TRPM1: variants seen among roughly 807,000 people sequenced by gnomAD.
TRPM1 encodes transient receptor potential cation channel subfamily M member 1.
In TRPM1, 113 loss-of-function variants were observed where a neutral mutation model predicts 149.4. That is an observed-to-expected ratio of 0.76 (90% CI 0.65 to 0.88). The LOEUF is 0.88. TRPM1 is among the 40% of genes least tolerant of loss of function. The pLI is 0.00. For missense variants in TRPM1, 1,976 were observed against 2,038.7 expected (o/e 0.97, Z 0.59); for synonymous variants, 741 against 759.5 (o/e 0.98, Z 0.40).
In TRPM1 at chr15:31,128,911, C is replaced by G. The variant is rs1037545857; in HGVS notation, c.54+31995G>C. Among the ~76,000 whole-genome samples the G allele has an allele frequency of 5.9e-5, 9 of 152,256 alleles. No homozygotes were observed. In the East Asian group the frequency reaches 1.7e-3, roughly 29 times the overall value. ...TGTAGCTAATTCAGATGAAAGCCCC[C>G]CCGCTCCGGCTTCCAGTCAGAGGTG... On this transcript the variant is annotated intron_variant, in intron 1 of 26. Transcript: ENST00000542188.
chr15:31,148,532 T>G (rs760674864), intron 1 of TRPM1, among the ~76,000 whole-genome samples: 35 of 152,206 alleles, frequency 2.3e-4, no homozygotes, highest in Non-Finnish European at 4.1e-4. Flanking sequence ...AAGGCCTCCC[T>G]CAGTGGAGGA....
At chr15:31,104,579 G>A (rs1276028820), upstream of TRPM1, among the ~76,000 whole-genome samples, 1 of 145,326 alleles carries the variant, frequency 6.9e-6, no homozygotes, top group African/African-American at 2.5e-5. Context: ...GCAAAATGGT[G>A]ATCTTCCTTT....
chr15:31,003,286 C>A (rs1180670628), intron 27 of TRPM1, among the ~76,000 whole-genome samples: 1 of 152,212 alleles, frequency 6.6e-6, no homozygotes. Context: ...GCATATAGTA[C>A]TTACTGCTCA....
chr15:31,047,943 A>G lies in TRPM1; in HGVS notation c.1573-4T>C. The G allele has an allele frequency of 6.2e-7, 1 of 1,613,528 alleles. No individual in the cohort carries two copies. The highest frequency in any genetic ancestry group is 1.1e-5 in the South Asian group (1 of 91,082). Reference sequence around the variant, plus strand: ...GTGTGTTTGGTGGACCCAGTCTCTGAAAGAGAAGCATTCATGTGTGTTAAA... The same window carrying G: ...GTGTGTTTGGTGGACCCAGTCTCTGGAAGAGAAGCATTCATGTGTGTTAAA... On this transcript the variant is annotated splice_region_variant and splice_polypyrimidine_tract_variant and intron_variant, in intron 13 of 27. Transcript: ENST00000256552.
chr15:31,066,332 G>T, intron 6 of TRPM1, 85 bp from the exon 7 acceptor site: 1 of 1,456,514 alleles, frequency 6.9e-7, no homozygotes, highest in Non-Finnish European at 9.6e-7. Context: ...CATATGTGTG[G>T]AGTGACTGCA....
At chr15:31,150,807 C>T (rs2036291491) in intron 1 of TRPM1, among the ~76,000 whole-genome samples, 1 of 152,122 alleles carries the variant, frequency 6.6e-6, no homozygotes. Flanking sequence ...TTGCCTAAGA[C>T]ATGCCCACAG....
upstream of TRPM1, among the ~76,000 whole-genome samples, chr15:31,105,435 CTGTGTG>C (rs10525947): frequency 0.19 from 28,486 of 148,610 alleles, 2,968 homozygotes; most frequent in Non-Finnish European, 0.23. Flanking sequence ...CTGTGTGTCT[CTGTGTG>C]TGTGTGTGTG....
intron 2 of TRPM1, 118 bp from the exon 3 acceptor site, chr15:31,077,102 A>ACC: frequency 1.4e-6 from 1 of 716,600 alleles, no homozygotes; most frequent in Non-Finnish European, 2.5e-6. Flanking sequence ...AGTCATCTGC[A>ACC]ATAATGGTGG....
chr15:31,148,403 C>T (rs1253931786), intron 1 of TRPM1, among the ~76,000 whole-genome samples: 2 of 152,166 alleles, frequency 1.3e-5, no homozygotes, highest in South Asian at 2.1e-4. Flanking sequence ...CGCAGCTGCA[C>T]CCTGCGTTGT....
At chr15:31,117,781 A>G (rs1338030177) in intron 1 of TRPM1, among the ~76,000 whole-genome samples, 1 of 152,194 alleles carries the variant, frequency 6.6e-6, no homozygotes, top group Non-Finnish European at 1.5e-5. Flanking sequence ...GACATAATCA[A>G]AAGGAAAAAC....
At chr15:31,088,752 T>G (rs991506355) in intron 1 of TRPM1, among the ~76,000 whole-genome samples, 3 of 149,800 alleles carry the variant, frequency 2.0e-5, no homozygotes, top group Middle Eastern at 3.2e-3. Flanking sequence ...TCCTGCTACC[T>G]GTGGGAACGT....
intron 11 of TRPM1, among the ~76,000 whole-genome samples, chr15:31,052,154 G>A (rs2033963504): frequency 6.6e-6 from 1 of 152,190 alleles, no homozygotes; most frequent in African/African-American, 2.4e-5. Context: ...ACTCCAGAGT[G>A]ACCTTTAAAT....
Position 31,097,021 on chromosome 15 carries a change from G to A in TRPM1, c.-84+4636C>T, listed in dbSNP as rs948606733. ...CTGCCAGCACGGGAATCAGACTGCC[G>A]GGCCCCTTTGTTGCTCTGCTCTTTT... is the stretch of plus-strand genomic sequence containing the variant. On this transcript the variant is annotated intron_variant, in intron 1 of 27. Coordinates refer to ENST00000256552, the MANE Select transcript of TRPM1 (RefSeq NM_001252024.2). Among the ~76,000 whole-genome samples, 4 of 152,218 alleles carry A rather than the reference G, an allele frequency of 2.6e-5. No homozygotes were observed. The South Asian group carries it at 6.2e-4, about 24-fold the overall frequency.
At chr15:31,024,052 A>G (rs2032637598) in intron 27 of TRPM1, among the ~76,000 whole-genome samples, 3 of 152,168 alleles carry the variant, frequency 2.0e-5, no homozygotes. Context: ...AAACTGAGTC[A>G]TGAGAATTGG....
At chr15:31,054,604 T>C (rs1347389380) in intron 11 of TRPM1, among the ~76,000 whole-genome samples, 3 of 152,194 alleles carry the variant, frequency 2.0e-5, no homozygotes, top group East Asian at 1.9e-4. Context: ...CTCTTCGTTA[T>C]GTTTAAAAGC....
intron 8 of TRPM1, 99 bp from the exon 9 acceptor site, chr15:31,062,801 G>T: frequency 1.5e-6 from 2 of 1,362,800 alleles, no homozygotes; most frequent in Non-Finnish European, 2.1e-6. Flanking sequence ...CTTTGCTGTG[G>T]GAGGATATCC....
chr15:31,037,729 G>A lies in TRPM1; in HGVS notation c.2553C>T (p.Val851=). Residue 851 remains valine, a synonymous_variant, in exon 20 of 28, where the codon GTC becomes GTT. Transcript: ENST00000256552. ...KICEFYNAPI[V]KFWFYTISYL... ...GCCTCACTGTGTAAAACCAGAACTT[G>A]ACAATGGGCGCGTTATAGAATTCAC... 1.9e-6 allele frequency: 3 copies of A among 1,614,214 alleles called. No individual in the cohort carries two copies.
chr15:31,110,550 C>T lies in TRPM1; in HGVS notation c.55-33566G>A, dbSNP rs1440110324. On this transcript the variant is annotated intron_variant, in intron 1 of 26. Coordinates refer to the TRPM1 transcript ENST00000542188. The stretch of plus-strand genomic sequence containing the variant: ...GAAGGCAGAGGGTCTTCCTGGTGAG[C>T]CTTAAGATCCAAGTTGGCCAAAATA... Among the ~76,000 whole-genome samples, 3 of 152,220 alleles carry T rather than the reference C, an allele frequency of 2.0e-5. No individual in the cohort carries two copies. The East Asian group carries it at 5.8e-4, about 29-fold the overall frequency.
At position 31,038,364 on chromosome 15, in the gene TRPM1, C is replaced by G. The variant is rs372643047; in HGVS notation, c.2317-198G>C. Among the ~76,000 whole-genome samples, 17 of 152,282 alleles carry G rather than the reference C, an allele frequency of 1.1e-4. 2 individuals are homozygous for G. The highest frequency in any genetic ancestry group is 3.1e-4 in the African/African-American group (13 of 41,562). On this transcript the variant is annotated intron_variant, in intron 18 of 27. Coordinates refer to ENST00000256552, the MANE Select transcript of TRPM1 (RefSeq NM_001252024.2). ...GGCAGTAAAACAATTTAAGAACATA[C>G]ACTAAATTTTTTAGATGAATGGCAA... is the stretch of plus-strand genomic sequence containing the variant.
Sources: allele counts gnomAD v4.1 joint callset (sites outside exome capture counted in the v4.1 genomes callset), GRCh38; gene constraint gnomAD v4.1.1; transcripts MANE v1.5; gene names NCBI Gene and HGNC (gene_info 2026-07-23, HGNC 2026-07-21).